The following OSBPL9 variants were observed in gnomAD, a reference collection of about 807,000 sequenced individuals.
OSBPL9 encodes the protein oxysterol-binding protein-related protein 9.
A neutral mutation model predicts 106.6 loss-of-function variants in OSBPL9; 40 were observed. That is an observed-to-expected ratio of 0.38 (90% CI 0.29 to 0.49). The LOEUF (loss-of-function observed/expected upper bound fraction) is 0.49. Ranked by LOEUF, OSBPL9 falls within the 20% of genes least tolerant of loss-of-function variation. The pLI, the probability that OSBPL9 is intolerant of heterozygous loss-of-function variation, is 0.97. For missense variants in OSBPL9, 609 were observed against 887.2 expected, an observed-to-expected ratio of 0.69 and a Z score of 3.98; for synonymous variants, 269 against 295.4, an observed-to-expected ratio of 0.91 and a Z score of 0.92.
In OSBPL9 at chr1:51,787,408, G is replaced by A; in HGVS notation, c.2056G>A (p.Glu686Lys). 1.2e-6 allele frequency: 2 copies of A among 1,614,068 alleles called. No individual in the cohort carries two copies. Among genetic ancestry groups the A allele is most frequent in the Non-Finnish European group, 1.7e-6 (2 of 1,179,934 alleles). Residue 686 changes from glutamate (E) to lysine (K), a missense_variant, in exon 23 of 24, where the codon GAA becomes AAA. By Grantham distance (56) the Glu-to-Lys change is moderately conservative (BLOSUM62 1). Transcript: ENST00000428468. ...LKIRDIDAAT[E>K]AKHRLEERQR... Reference sequence around the variant, plus strand: ...AATCAGAGACATTGATGCAGCAACTGAAGCAAAGCACAGGCTTGAAGAAAG... The same window carrying A: ...AATCAGAGACATTGATGCAGCAACTAAAGCAAAGCACAGGCTTGAAGAAAG...
At chr1:51,631,386 A>G (rs1270269512) in intron 1 of OSBPL9, among the ~76,000 whole-genome samples, 1 of 152,022 alleles carries the variant, frequency 6.6e-6, no homozygotes, top group Non-Finnish European at 1.5e-5. Context: ...ACAAAAAACT[A>G]AAAAAATTAG....
At chr1:51,728,085 G>GA (rs1357047358) in intron 4 of OSBPL9, among the ~76,000 whole-genome samples, 1 of 152,160 alleles carries the variant, frequency 6.6e-6, no homozygotes, top group Admixed American at 6.5e-5. Flanking sequence ...AAAGGAGTTT[G>GA]AAAAAGGCCA....
chr1:51,685,918 G>A (rs1309351331), intron 3 of OSBPL9, among the ~76,000 whole-genome samples: 1 of 152,174 alleles, frequency 6.6e-6, no homozygotes, highest in East Asian at 1.9e-4. Context: ...AAGAAATCGA[G>A]TTCAAATAAA....
the OSBPL9 span, among the ~76,000 whole-genome samples, chr1:51,527,217 A>G: frequency 1.3e-5 from 2 of 152,122 alleles, no homozygotes; most frequent in African/African-American, 2.4e-5. Context: ...CATGCAGACT[A>G]CCATACAGAA....
At chr1:51,786,646 T>G in intron 22 of OSBPL9, 29 bp downstream of exon 22, 1 of 1,569,564 alleles carries the variant, frequency 6.4e-7, no homozygotes, top group South Asian at 1.1e-5. Flanking sequence ...GTGGAACTAT[T>G]GCTGCAGTGC....
In OSBPL9 at chr1:51,788,876, A is replaced by C. The variant is rs1678356008; in HGVS notation, c.*1087A>C. Reference sequence around the variant, plus strand: ...TATCTATCATCTTTTTTATTTAAAAATACATTAAAAAAACAGGTATTAGTA... The same window carrying C: ...TATCTATCATCTTTTTTATTTAAAACTACATTAAAAAAACAGGTATTAGTA... On this transcript the variant is annotated 3_prime_UTR_variant, in exon 24 of 24. Transcript: ENST00000428468. Among the ~76,000 whole-genome samples, 1 of 151,712 alleles carries C rather than the reference A, an allele frequency of 6.6e-6. No individual in the cohort carries two copies. The highest frequency in any genetic ancestry group is 1.5e-5 in the Non-Finnish European group (1 of 68,020).
chr1:51,720,821 G>A (rs1467500036), intron 4 of OSBPL9, among the ~76,000 whole-genome samples: 19 of 130,236 alleles, frequency 1.5e-4, no homozygotes, highest in African/African-American at 2.6e-4. Context: ...TTTTTGAGAC[G>A]GAGTCTCATT....
intron 4 of OSBPL9, among the ~76,000 whole-genome samples, chr1:51,715,899 C>T (rs2148898100): frequency 6.6e-6 from 1 of 152,202 alleles, no homozygotes. Context: ...CTGGCCTTTC[C>T]TTCCCCAGTC....
chr1:51,549,116 A>AC, the OSBPL9 span, among the ~76,000 whole-genome samples: 1 of 152,150 alleles, frequency 6.6e-6, no homozygotes, highest in African/African-American at 2.4e-5. Flanking sequence ...TAGAAACCAC[A>AC]CCAGGCACCA....
intron 4 of OSBPL9, 148 bp downstream of exon 4, chr1:51,714,227 A>G (rs1660629388): frequency 5.3e-6 from 3 of 566,086 alleles, no homozygotes; most frequent in African/African-American, 3.8e-5. Context: ...TTACAGTTAT[A>G]GTAAAGTTAT....
At position 51,740,199 on chromosome 1, in the gene OSBPL9, T is replaced by G. The variant is rs1396366455; in HGVS notation, c.319-5337T>G. 1.9e-6 allele frequency: 3 copies of G among 1,538,846 alleles called. No individual in the cohort carries two copies. In the African/African-American group the frequency reaches 4.2e-5, roughly 21 times the overall value. ...CTGGTATCTCTCCAGTTCTTGAATTTTCAAAAATAATTGTAAGTGATTGAA... is the reference window on the plus strand; with the variant it reads ...CTGGTATCTCTCCAGTTCTTGAATTGTCAAAAATAATTGTAAGTGATTGAA... On this transcript the variant is annotated intron_variant, in intron 4 of 23. Transcript: ENST00000428468.
intron 12 of OSBPL9, among the ~76,000 whole-genome samples, chr1:51,771,599 C>T (rs547614360): frequency 6.6e-6 from 1 of 152,180 alleles, no homozygotes; most frequent in South Asian, 2.1e-4. Context: ...TCATAAAAGC[C>T]AGTTAGCATG....
intron 3 of OSBPL9, among the ~76,000 whole-genome samples, chr1:51,685,754 C>T (rs144546649): frequency 1.1e-4 from 17 of 152,272 alleles, no homozygotes; most frequent in African/African-American, 3.6e-4. Context: ...TACAAAAGAC[C>T]TCTACAAGGC....
At chr1:51,656,716 A>G (rs1316691098) in intron 2 of OSBPL9, among the ~76,000 whole-genome samples, 1 of 147,396 alleles carries the variant, frequency 6.8e-6, no homozygotes, top group Admixed American at 6.9e-5. Context: ...CTGGAGTGCA[A>G]TGGTGCGATT....
intron 1 of OSBPL9, among the ~76,000 whole-genome samples, chr1:51,591,389 C>T (rs1645274817): frequency 6.6e-6 from 1 of 152,144 alleles, no homozygotes; most frequent in African/African-American, 2.4e-5. Context: ...AATTTTTGAC[C>T]TAAACAACCA....
In OSBPL9 at chr1:51,585,528, A is replaced by G. The variant is rs183848518; in HGVS notation, c.-423+8272A>G. ...CGCAGTGGCTCATGCATGTAATCTC[A>G]GCATTTTGGGAGGCCGAGGAAGGCA... On this transcript the variant is annotated intron_variant, in intron 1 of 25. Transcript: ENST00000371714. Among the ~76,000 whole-genome samples the G allele has an allele frequency of 3.3e-5, 5 of 152,342 alleles. No individual in the cohort carries two copies. The East Asian group carries it at 9.6e-4, about 29-fold the overall frequency.
At chr1:51,670,080 T>C (rs1019159392) in intron 3 of OSBPL9, among the ~76,000 whole-genome samples, 8 of 152,242 alleles carry the variant, frequency 5.3e-5, no homozygotes, top group African/African-American at 1.9e-4. Flanking sequence ...CTGCCACTGC[T>C]ATGTTTCGGC....
chr1:51,752,711 C>T (rs1049888652), intron 8 of OSBPL9: 1 of 362,198 alleles, frequency 2.8e-6, no homozygotes, highest in South Asian at 2.1e-5. Context: ...CATGTCTTCA[C>T]ATAGTCTTTC....
chr1:51,644,803 C>G (rs1646044337), intron 1 of OSBPL9, among the ~76,000 whole-genome samples: 1 of 152,164 alleles, frequency 6.6e-6, no homozygotes, highest in Non-Finnish European at 1.5e-5. Context: ...TTACTCGGTC[C>G]TCTAATTCAA....
Sources: gnomAD v4.1 joint callset for allele counts (sites outside exome capture counted in the v4.1 genomes callset) on GRCh38, gnomAD v4.1.1 for gene constraint, MANE v1.5 for transcripts, NCBI Gene and HGNC (gene_info 2026-07-23, HGNC 2026-07-21) for gene names.